Variants in ITSN1 observed in about 807,000 individuals in gnomAD.
ITSN1 encodes the protein intersectin 1.
ITSN1 carries 58 observed loss-of-function variants against 239.8 expected under a neutral mutation model. That is an observed-to-expected ratio of 0.24 (90% CI 0.20 to 0.30). The LOEUF (loss-of-function observed/expected upper bound fraction) is 0.30, where lower values mean the gene tolerates loss of function less well. Among genes scored for constraint, ITSN1 ranks in the 10% least tolerant of loss-of-function variants. ITSN1 has a pLI of 1.00. For missense variants in ITSN1, 1,558 were observed against 2,103.3 expected, an observed-to-expected ratio of 0.74 and a Z score of 5.07; for synonymous variants, 780 against 770.8, an observed-to-expected ratio of 1.01 and a Z score of -0.20.
chr21:33,659,705 CTTTTTTTTTTTTT>C (rs71194859), intron 1 of ITSN1, among the ~76,000 whole-genome samples: 1 of 76,608 alleles, frequency 1.3e-5, no homozygotes, highest in East Asian at 3.7e-4. Flanking sequence ...GCAGCCTGTA[CTTTTTTTTTTTTT>C]TTTTTTTTTT....
intron 1 of ITSN1, among the ~76,000 whole-genome samples, chr21:33,645,244 C>A (rs2087828533): frequency 6.6e-6 from 1 of 152,144 alleles, no homozygotes; most frequent in Non-Finnish European, 1.5e-5. Context: ...TAGAGCTGTT[C>A]CCTTCTGAAT....
At chr21:33,875,554 C>A in intron 34 of ITSN1, 33 bp downstream of exon 34, 2 of 1,598,486 alleles carry the variant, frequency 1.3e-6, no homozygotes, top group Non-Finnish European at 8.5e-7. Context: ...CCTGGTCTCC[C>A]CCGGCAGAGC....
At chr21:33,753,761 TAAAAAAAAAA>T (rs760085854) in intron 7 of ITSN1, among the ~76,000 whole-genome samples, 4 of 81,770 alleles carry the variant, frequency 4.9e-5, no homozygotes, top group Non-Finnish European at 6.6e-5. Flanking sequence ...GTCTCTTTCT[TAAAAAAAAAA>T]AAAAAAAAAA....
chr21:33,673,048 T>G (rs1458555737), intron 1 of ITSN1, among the ~76,000 whole-genome samples: 1 of 152,040 alleles, frequency 6.6e-6, no homozygotes, highest in Admixed American at 6.6e-5. Flanking sequence ...ACAAAAAAAA[T>G]AAATTGGGGC....
intron 22 of ITSN1, 155 bp downstream of exon 22, chr21:33,814,227 C>G: frequency 1.9e-5 from 8 of 430,034 alleles, no homozygotes; most frequent in Admixed American, 3.6e-5. Flanking sequence ...AGCCAGAAAT[C>G]TGCTGTGAAT....
chr21:33,810,813 A>G (rs2072850995), intron 20 of ITSN1, 162 bp from the exon 21 acceptor site: 2 of 851,876 alleles, frequency 2.3e-6, no homozygotes, highest in East Asian at 4.8e-5. Context: ...TTTCAGCATT[A>G]CTGCTTAGAC....
At chr21:33,825,466 G>A (rs2073927800) in intron 25 of ITSN1, among the ~76,000 whole-genome samples, 1 of 152,124 alleles carries the variant, frequency 6.6e-6, no homozygotes, top group African/African-American at 2.4e-5. Flanking sequence ...GGGGAGAGTC[G>A]TCCCATCCTG....
At chr21:33,661,174 A>G (rs930208523) in intron 1 of ITSN1, among the ~76,000 whole-genome samples, 1 of 152,194 alleles carries the variant, frequency 6.6e-6, no homozygotes, top group Admixed American at 6.5e-5. Context: ...ACTGTGCCAG[A>G]TACCCAAATC....
intron 22 of ITSN1, among the ~76,000 whole-genome samples, chr21:33,816,378 C>G (rs563681793): frequency 3.0e-4 from 45 of 152,224 alleles, no homozygotes; most frequent in African/African-American, 9.6e-4. Context: ...ACTTCCTTCC[C>G]CCTCCCCACC....
At chr21:33,727,673 C>T (rs2065911114) in intron 4 of ITSN1, among the ~76,000 whole-genome samples, 1 of 151,578 alleles carries the variant, frequency 6.6e-6, no homozygotes, top group African/African-American at 2.4e-5. Context: ...TCCCTCATTC[C>T]TGAGTCTTTA....
At chr21:33,858,635 TGA>T (rs759866086) in intron 30 of ITSN1, 49 bp from the exon 31 acceptor site, 5 of 1,183,352 alleles carry the variant, frequency 4.2e-6, no homozygotes, top group African/African-American at 3.0e-5. Context: ...TGTGAGTGTG[TGA>T]GTTTTAAGCT....
chr21:33,867,590 C>T (rs1287681601), intron 33 of ITSN1, among the ~76,000 whole-genome samples: 1 of 151,416 alleles, frequency 6.6e-6, no homozygotes, highest in East Asian at 1.9e-4. Context: ...CGCTTGAGCC[C>T]AGAAGTTCAA....
rs965908752 is a variant in ITSN1 at position 33,876,648 on chromosome 21, C to T, written c.4341+1127C>T. Among the ~76,000 whole-genome samples the T allele has an allele frequency of 4.6e-5, 7 of 152,322 alleles. 1 individual carries two copies. The South Asian group carries it at 1.5e-3, about 32-fold the overall frequency. On this transcript the variant is annotated intron_variant, in intron 34 of 39. Coordinates refer to ENST00000381318, the MANE Select transcript of ITSN1 (RefSeq NM_003024.3). ...AGGTGCCGTGACTCACGCCTGTAAT[C>T]CCAGTGCTTTGGGAAGTGGAGGCAG...
chr21:33,772,074 T>C lies in ITSN1; in HGVS notation c.1056T>C (p.Asp352=). The change falls in exon 12 of 40, where the codon GAT becomes GAC. Residue 352 remains aspartate (D), a synonymous_variant. Coordinates refer to ENST00000381318, the MANE Select transcript of ITSN1 (RefSeq NM_003024.3). ...CCTTGTCTGAAGTAACGTTTGAAGATAAGAAGCGGGAGAACTTTGAACGTG... is the reference window on the plus strand; with the variant it reads ...CCTTGTCTGAAGTAACGTTTGAAGACAAGAAGCGGGAGAACTTTGAACGTG... The part of the protein sequence containing the change: ...LEKKLPVTFE[D]KKRENFERGN... 1 of 1,614,134 alleles carries C rather than the reference T, an allele frequency of 6.2e-7. No individual in the cohort carries two copies. Among genetic ancestry groups the C allele is most frequent in the African/African-American group, 1.3e-5 (1 of 75,034 alleles).
At chr21:33,777,490 G>A (rs2069734251) in intron 14 of ITSN1, among the ~76,000 whole-genome samples, 1 of 152,062 alleles carries the variant, frequency 6.6e-6, no homozygotes, top group Non-Finnish European at 1.5e-5. Flanking sequence ...AAAAATGCTT[G>A]GAATTTTGTT....
chr21:33,675,360 G>A lies in ITSN1; in HGVS notation c.-33+32647G>A, dbSNP rs538450051. Among the ~76,000 whole-genome samples, 8 of 152,096 alleles carry A rather than the reference G, an allele frequency of 5.3e-5. No individual in the cohort carries two copies. The South Asian group carries it at 1.3e-3, about 24-fold the overall frequency. ...AGGGGGATCATGAGGTCAGGAGACC[G>A]AGACCGTCCTAGCCAACACGGTGAA... On this transcript the variant is annotated intron_variant, in intron 1 of 39. Transcript: ENST00000381318.
At chr21:33,748,255 G>C (rs889227038) in intron 5 of ITSN1, among the ~76,000 whole-genome samples, 50 of 151,960 alleles carry the variant, frequency 3.3e-4, no homozygotes, top group African/African-American at 1.1e-3. Flanking sequence ...TTTGAGACCA[G>C]ACTGAGTAAC....
intron 1 of ITSN1, among the ~76,000 whole-genome samples, chr21:33,666,875 C>T (rs1438387998): frequency 6.6e-6 from 1 of 152,194 alleles, no homozygotes; most frequent in Non-Finnish European, 1.5e-5. Flanking sequence ...AATGACAGCT[C>T]ACTGCAGCCT....
chr21:33,839,969 G>T (rs536793575), intron 29 of ITSN1, among the ~76,000 whole-genome samples: 2 of 152,156 alleles, frequency 1.3e-5, no homozygotes, highest in African/African-American at 2.4e-5. Flanking sequence ...CAGAGCTGAG[G>T]TTGAGAAGCG....
Sources: gnomAD v4.1 joint callset for allele counts (sites outside exome capture counted in the v4.1 genomes callset) on GRCh38, gnomAD v4.1.1 for gene constraint, MANE v1.5 for transcripts, NCBI Gene and HGNC (gene_info 2026-07-23, HGNC 2026-07-21) for gene names.